Variants in TTC28 observed in about 807,000 individuals in gnomAD.
TTC28 encodes the protein tetratricopeptide repeat domain 28.
In TTC28, 61 loss-of-function variants were observed where a neutral mutation model predicts 198.0. The observed-to-expected ratio is 0.31, with a 90% CI of 0.25 to 0.38. The LOEUF (loss-of-function observed/expected upper bound fraction) is 0.38, where lower values mean the gene tolerates loss of function less well. Among genes scored for constraint, TTC28 ranks in the 10% least tolerant of loss-of-function variants. TTC28 has a pLI of 1.00. For missense variants in TTC28, 2,678 were observed against 3,164.0 expected (o/e 0.85, Z 3.69); for synonymous variants, 1,171 against 1,297.8 (o/e 0.90, Z 2.10).
At chr22:28,470,439 G>C (rs1256479687) in intron 2 of TTC28, among the ~76,000 whole-genome samples, 1 of 152,042 alleles carries the variant, frequency 6.6e-6, no homozygotes, top group Non-Finnish European at 1.5e-5. Flanking sequence ...CCAAGAAGAA[G>C]CTATGCAATG....
chr22:28,086,937 T>C (rs950695311), intron 12 of TTC28, among the ~76,000 whole-genome samples: 24 of 152,162 alleles, frequency 1.6e-4, no homozygotes, highest in Non-Finnish European at 2.2e-4. Flanking sequence ...CCTCGACACA[T>C]ACACCCTCCC....
At chr22:28,013,163 A>G (rs1226466810) in intron 14 of TTC28, among the ~76,000 whole-genome samples, 1 of 152,114 alleles carries the variant, frequency 6.6e-6, no homozygotes, top group Non-Finnish European at 1.5e-5. Flanking sequence ...CCGGGGATAC[A>G]TTTCTCCTCC....
rs1389126378 is a variant in TTC28, at chr22:27,980,860, C to T, written c.*1361G>A. 1 of 152,256 alleles carries T rather than the reference C, an allele frequency of 6.6e-6. No individual in the cohort carries two copies. Among genetic ancestry groups the T allele is most frequent in the Non-Finnish European group, 1.5e-5 (1 of 68,058 alleles). 9.4% of individuals were successfully genotyped at this position (152,256 alleles called of 1,614,324 possible). ...CTCAAGCTGGCAACAATTTAAGTTA[C>T]CGTCAGAGCTGTAGGAGAAGTCCAC... On this transcript the variant is annotated 3_prime_UTR_variant, in exon 23 of 23. Transcript: ENST00000397906.
At chr22:28,182,360 C>A (rs867342767) in intron 5 of TTC28, among the ~76,000 whole-genome samples, 1 of 152,070 alleles carries the variant, frequency 6.6e-6, no homozygotes, top group African/African-American at 2.4e-5. Flanking sequence ...GGAATGTAGT[C>A]GATCACCCTT....
At chr22:28,552,618 T>G (rs1207581080) in intron 2 of TTC28, among the ~76,000 whole-genome samples, 1 of 151,906 alleles carries the variant, frequency 6.6e-6, no homozygotes, top group Non-Finnish European at 1.5e-5. Context: ...AACAAAAACA[T>G]AAAGTGGGGA....
In TTC28 at chr22:28,582,760, A is replaced by C. The variant is rs116278898; in HGVS notation, c.381+46792T>G. On this transcript the variant is annotated intron_variant, in intron 2 of 22. Coordinates refer to ENST00000397906, the MANE Select transcript of TTC28 (RefSeq NM_001145418.2). ...AGAACTCTATTCATTAAAAACAAAA[A>C]AAAATACTTATGTGGTCAAGTCACA... is the stretch of plus-strand genomic sequence containing the variant. Among the ~76,000 whole-genome samples, 1,225 of 152,332 alleles carry C rather than the reference A, an allele frequency of 8.0e-3. 15 individuals carry two copies. Among genetic ancestry groups the C allele is most frequent in the African/African-American group, 0.028 (1,174 of 41,574 alleles).
At chr22:28,432,628 C>T (rs7286202) in intron 2 of TTC28, among the ~76,000 whole-genome samples, 7,464 of 152,164 alleles carry the variant, frequency 0.049, 265 homozygotes, top group African/African-American at 0.095. Context: ...TTGAGAACCA[C>T]GCTAGCATCA....
chr22:28,671,899 C>T (rs1243244516), intron 1 of TTC28, among the ~76,000 whole-genome samples: 1 of 151,850 alleles, frequency 6.6e-6, no homozygotes, highest in African/African-American at 2.4e-5. Flanking sequence ...TGGTCTCGAA[C>T]TCCTGACCCC....
chr22:28,272,562 T>TTTTATGAATCTTATGTG (rs1347654353), intron 5 of TTC28, among the ~76,000 whole-genome samples: 5 of 152,304 alleles, frequency 3.3e-5, no homozygotes, highest in Middle Eastern at 6.8e-3. Context: ...GGAATCAAAA[T>TTTTATGAATCTTATGTG]ATTCATAAAA....
intron 10 of TTC28, among the ~76,000 whole-genome samples, chr22:28,097,809 CTATT>C (rs1325707828): frequency 6.6e-6 from 1 of 152,126 alleles, no homozygotes; most frequent in Non-Finnish European, 1.5e-5. Context: ...TCCTTTTACT[CTATT>C]AAGTTATTAA....
At chr22:28,211,245 T>C (rs1926926484) in intron 5 of TTC28, among the ~76,000 whole-genome samples, 2 of 152,152 alleles carry the variant, frequency 1.3e-5, no homozygotes, top group African/African-American at 4.8e-5. Context: ...AATAACCAGC[T>C]AGCATCATAA....
intron 2 of TTC28, among the ~76,000 whole-genome samples, chr22:28,340,218 A>T (rs923140475): frequency 1.3e-5 from 2 of 152,128 alleles, no homozygotes; most frequent in Non-Finnish European, 2.9e-5. Context: ...TCGTTCCATC[A>T]TTTCTAAAGT....
At chr22:28,252,452 T>C (rs545678180) in intron 5 of TTC28, among the ~76,000 whole-genome samples, 116 of 152,284 alleles carry the variant, frequency 7.6e-4, no homozygotes, top group Non-Finnish European at 1.6e-3. Context: ...GTAACTACCA[T>C]GATTAAATTC....
At chr22:28,645,335 A>G (rs1305055112) in intron 1 of TTC28, among the ~76,000 whole-genome samples, 2 of 150,060 alleles carry the variant, frequency 1.3e-5, no homozygotes, top group Middle Eastern at 3.2e-3. Context: ...CAGTACATCA[A>G]AAAGATAATT....
intron 8 of TTC28, among the ~76,000 whole-genome samples, chr22:28,102,588 A>C (rs1942185909): frequency 6.6e-6 from 1 of 152,086 alleles, no homozygotes; most frequent in Non-Finnish European, 1.5e-5. Context: ...GACAGCATGA[A>C]GGCTCCCACC....
chr22:28,615,293 G>T (rs2050885524), intron 2 of TTC28, among the ~76,000 whole-genome samples: 1 of 152,244 alleles, frequency 6.6e-6, no homozygotes, highest in East Asian at 1.9e-4. Context: ...TAAAAAGTCA[G>T]GAAACAACAG....
chr22:28,529,951 A>G (rs2049095695), intron 2 of TTC28, among the ~76,000 whole-genome samples: 1 of 152,222 alleles, frequency 6.6e-6, no homozygotes, highest in African/African-American at 2.4e-5. Flanking sequence ...AAAAATGGGG[A>G]AAAACCAGAG....
At chr22:28,290,751 AT>A (rs901518744) in intron 5 of TTC28, among the ~76,000 whole-genome samples, 5 of 151,948 alleles carry the variant, frequency 3.3e-5, no homozygotes, top group Admixed American at 2.0e-4. Context: ...CTCTACAAAA[AT>A]TTTTTTCAAA....
At chr22:27,994,182 G>A (rs923121293) in intron 17 of TTC28, among the ~76,000 whole-genome samples, 2 of 152,200 alleles carry the variant, frequency 1.3e-5, no homozygotes, top group Non-Finnish European at 2.9e-5. Flanking sequence ...GGTGGCTCAC[G>A]CCTGTAATCC....
Sources: gnomAD v4.1 joint callset for allele counts (sites outside exome capture counted in the v4.1 genomes callset) on GRCh38, gnomAD v4.1.1 for gene constraint, MANE v1.5 for transcripts, NCBI Gene and HGNC (gene_info 2026-07-23, HGNC 2026-07-21) for gene names.